The following VPS39 variants were observed in gnomAD, a reference collection of about 807,000 sequenced individuals.
VPS39 encodes the protein vam6/Vps39-like protein.
Under a neutral mutation model 121.0 loss-of-function variants are expected in VPS39, and 70 were observed. The ratio of observed to expected loss-of-function variants is 0.58; its 90% CI spans 0.48 to 0.71. VPS39 has a LOEUF of 0.71. Among genes scored for constraint, VPS39 ranks in the 30% least tolerant of loss-of-function variants. The probability of loss-of-function intolerance (pLI) is 0.00; values close to 1 mark genes in which losing one functional copy is unlikely to be tolerated. For missense variants in VPS39, 818 were observed against 1,051.5 expected (o/e 0.78, Z 3.07); for synonymous variants, 378 against 398.1 (o/e 0.95, Z 0.60).
rs1356737038 is a variant in VPS39, at chr15:42,178,259, G to T, written c.919C>A (p.Leu307Ile). The change falls in exon 10 of 25, where the codon CTT (leucine) becomes ATT (isoleucine). Residue 307 changes from leucine to isoleucine, a missense_variant. Leu to Ile is a conservative substitution (Grantham distance 5, BLOSUM62 2). Transcript: ENST00000318006. Reference sequence around the variant, plus strand: ...AATTCAAACTGCTTGTCCTGGAGAAGTTGTTGGATTTGGGTTGCCATGGGG... The same window carrying T: ...AATTCAAACTGCTTGTCCTGGAGAATTTGTTGGATTTGGGTTGCCATGGGG... ...PVPMATQIQQ[L>I]LQDKQFELAL... 4 of 1,614,082 alleles carry T rather than the reference G, an allele frequency of 2.5e-6. No individual in the cohort carries two copies. The highest frequency in any genetic ancestry group is 3.4e-6 in the Non-Finnish European group (4 of 1,180,050).
chr15:42,188,999 GTC>G, intron 5 of VPS39, 113 bp downstream of exon 5: 1 of 736,414 alleles, frequency 1.4e-6, no homozygotes, highest in Non-Finnish European at 2.3e-6. Flanking sequence ...AATCTTTGGA[GTC>G]TCTGTTGGGT....
chr15:42,191,113 T>C lies in VPS39; in HGVS notation c.247+12A>G. 1 of 1,613,844 alleles carries C rather than the reference T, an allele frequency of 6.2e-7. No individual in the cohort carries two copies. Among genetic ancestry groups the C allele is most frequent in the Non-Finnish European group, 8.5e-7 (1 of 1,179,748 alleles). On this transcript the variant is annotated intron_variant, in intron 4 of 24. Transcript: ENST00000318006. ...GTTAGACACAGGATACAAATGCAAC[T>C]CCTTTTCTTACCTAACAAGCTGACC...
intron 22 of VPS39, 63 bp downstream of exon 22, chr15:42,162,269 T>C: frequency 6.3e-7 from 1 of 1,597,174 alleles, no homozygotes. Context: ...CCTTTCCACA[T>C]TTCCTCTTCT....
At chr15:42,171,389 T>C (rs2049345125) in intron 11 of VPS39, among the ~76,000 whole-genome samples, 4 of 152,272 alleles carry the variant, frequency 2.6e-5, no homozygotes, top group African/African-American at 7.2e-5. Flanking sequence ...TGCCATTCCA[T>C]AGAGGCACCT....
chr15:42,162,003 A>C, intron 23 of VPS39, 29 bp downstream of exon 23: 1 of 1,613,496 alleles, frequency 6.2e-7, no homozygotes, highest in Non-Finnish European at 8.5e-7. Flanking sequence ...TTAAAAGCCC[A>C]CCCTAGAGTT....
chr15:42,177,678 G>GT lies in VPS39; in HGVS notation c.960+539dup, dbSNP rs2049483889. Among the ~76,000 whole-genome samples, 8 of 138,984 alleles carry GT rather than the reference G, an allele frequency of 5.8e-5. 1 individual carries two copies. In the South Asian group the frequency reaches 1.8e-3, roughly 32 times the overall value. The allele number at this position is 138,984 out of a possible 152,430, so 91.2% of individuals were successfully genotyped here. Reference sequence around the variant, plus strand: ...TATTCTCCCATTAATTTTTTTTTTTGTTTTTTGAGACAGAGTCTCGCTATG... The same window carrying GT: ...TATTCTCCCATTAATTTTTTTTTTTGTTTTTTTGAGACAGAGTCTCGCTATG... On this transcript the variant is annotated intron_variant, in intron 10 of 24. Coordinates refer to ENST00000318006, the MANE Select transcript of VPS39 (RefSeq NM_015289.5).
intron 11 of VPS39, among the ~76,000 whole-genome samples, chr15:42,171,332 A>T (rs1225707729): frequency 3.0e-4 from 45 of 152,172 alleles, no homozygotes; most frequent in Admixed American, 2.9e-3. Flanking sequence ...CCAGCTCATG[A>T]GTGTGTGCAG....
chr15:42,199,111 G>A (rs1053622105), intron 2 of VPS39, among the ~76,000 whole-genome samples: 1 of 151,960 alleles, frequency 6.6e-6, no homozygotes, highest in African/African-American at 2.4e-5. Context: ...ATATTGAAGG[G>A]TATGAAATTA....
At chr15:42,192,614 C>T (rs1022980758) in intron 2 of VPS39, among the ~76,000 whole-genome samples, 2 of 152,112 alleles carry the variant, frequency 1.3e-5, no homozygotes, top group Non-Finnish European at 2.9e-5. Context: ...TCCATGTGTC[C>T]CTCAGCAGAG....
intron 2 of VPS39, 61 bp downstream of exon 2, chr15:42,199,835 C>A: frequency 6.7e-7 from 1 of 1,486,776 alleles, no homozygotes; most frequent in Non-Finnish European, 9.0e-7. Flanking sequence ...TAACTGATTT[C>A]ACAGTTGTAT....
At chr15:42,203,844 G>A (rs1213663100) in intron 1 of VPS39, among the ~76,000 whole-genome samples, 1 of 152,192 alleles carries the variant, frequency 6.6e-6, no homozygotes, top group Non-Finnish European at 1.5e-5. Flanking sequence ...CAACACAGAG[G>A]ATGACAAGCC....
chr15:42,207,015 A>T lies in VPS39; in HGVS notation c.73+1066T>A, dbSNP rs369325270. 1.9e-3 allele frequency among the ~76,000 whole-genome samples: 293 copies of T among 152,362 alleles called. 1 individual carries two copies. The highest frequency in any genetic ancestry group is 6.6e-3 in the African/African-American group (276 of 41,588). On this transcript the variant is annotated intron_variant, in intron 1 of 24. Transcript: ENST00000318006. ...GACTAGAACTGCTTACTGTGGAGGT[A>T]TGATTTTAAAGAGACCCAGAGCTGC... is the stretch of plus-strand genomic sequence containing the variant.
chr15:42,166,482 AC>A (rs1332488340), intron 15 of VPS39, 80 bp downstream of exon 15: 18 of 1,514,150 alleles, frequency 1.2e-5, no homozygotes, highest in Non-Finnish European at 1.5e-5. Flanking sequence ...GAGGGGAGCA[AC>A]CAACCAGAAA....
chr15:42,162,952 C>T (rs1172295745), intron 21 of VPS39, among the ~76,000 whole-genome samples: 1 of 152,116 alleles, frequency 6.6e-6, no homozygotes, highest in East Asian at 1.9e-4. Context: ...GCATCTCTGG[C>T]CTCTACCCCC....
chr15:42,199,522 A>AT, intron 2 of VPS39: 18 of 443,368 alleles, frequency 4.1e-5, no homozygotes, highest in East Asian at 1.7e-4. Flanking sequence ...ATGTTGCCTA[A>AT]TTTTTTTTCC....
intron 11 of VPS39, among the ~76,000 whole-genome samples, chr15:42,171,932 CCT>C (rs1292582920): frequency 1.3e-5 from 2 of 152,136 alleles, no homozygotes; most frequent in Non-Finnish European, 2.9e-5. Context: ...GGGAGCCAAA[CCT>C]CTTTCTCCAC....
In VPS39 at chr15:42,165,032, C is replaced by T; in HGVS notation, c.1861G>A (p.Gly621Ser). 1 of 1,614,240 alleles carries T rather than the reference C, an allele frequency of 6.2e-7. No homozygotes were observed. The highest frequency in any genetic ancestry group is 8.5e-7 in the Non-Finnish European group (1 of 1,180,048). ...GACAGGAGATACTCCTTCATCAGAC[C>T]TTGCACCTTCTCACAGTATAGCTGG... Reference protein sequence around the residue: ...LIQLYCEKVQGLMKEYLLSFP... With the variant: ...LIQLYCEKVQSLMKEYLLSFP... The change falls in exon 18 of 25, where the codon GGT becomes AGT. Residue 621 changes from glycine to serine, a missense_variant. Physicochemically the swap from Gly to Ser is moderately conservative, Grantham distance 56. Transcript: ENST00000318006.
At chr15:42,181,381 G>A (rs931171056) in intron 8 of VPS39, among the ~76,000 whole-genome samples, 1 of 152,122 alleles carries the variant, frequency 6.6e-6, no homozygotes, top group African/African-American at 2.4e-5. Flanking sequence ...AAGGAGAATG[G>A]TGGCTTCAGG....
chr15:42,181,883 A>C (rs1388485423), intron 8 of VPS39, among the ~76,000 whole-genome samples: 1 of 152,006 alleles, frequency 6.6e-6, no homozygotes, highest in Non-Finnish European at 1.5e-5. Flanking sequence ...TAATTTCTTA[A>C]ATGTATTTTT....
Sources: allele counts gnomAD v4.1 joint callset (sites outside exome capture counted in the v4.1 genomes callset), GRCh38; gene constraint gnomAD v4.1.1; transcripts MANE v1.5; gene names NCBI Gene and HGNC (gene_info 2026-07-23, HGNC 2026-07-21).